The following RBFOX1 variants were observed in gnomAD, a reference collection of about 807,000 sequenced individuals.
RBFOX1 encodes the protein RNA binding fox-1 homolog 1, also known as RNA binding protein fox-1 homolog 1.
In RBFOX1, 8 loss-of-function variants were observed where a neutral mutation model predicts 57.7. That is an observed-to-expected ratio of 0.14 (90% CI 0.08 to 0.25). The LOEUF (loss-of-function observed/expected upper bound fraction) is 0.25. Ranked by LOEUF, RBFOX1 falls within the 10% of genes least tolerant of loss-of-function variation. The pLI is 1.00. For synonymous variants in RBFOX1, 326 were observed against 222.4 expected (o/e 1.47, Z -4.15); for missense variants, 611 against 548.5 (o/e 1.11, Z -1.14).
chr16:5,591,108 TTC>T (rs1035570992), intron 2 of RBFOX1, among the ~76,000 whole-genome samples: 31 of 152,322 alleles, frequency 2.0e-4, no homozygotes, highest in African/African-American at 6.5e-4. Context: ...TTAAATTATT[TTC>T]TTTTAAAAAT....
intron 1 of RBFOX1, among the ~76,000 whole-genome samples, chr16:6,215,821 T>A (rs1421986075): frequency 6.6e-6 from 1 of 152,086 alleles, no homozygotes; most frequent in Non-Finnish European, 1.5e-5. Flanking sequence ...TGCATAAACA[T>A]CCCAATGGGT....
intron 2 of RBFOX1, among the ~76,000 whole-genome samples, chr16:6,486,070 C>G (rs1025412984): frequency 3.7e-4 from 46 of 123,074 alleles, no homozygotes; most frequent in African/African-American, 1.4e-3. Context: ...TGAAGGAGAT[C>G]TCAGTAAAAG....
At chr16:5,831,622 T>C (rs997886487) in intron 3 of RBFOX1, among the ~76,000 whole-genome samples, 4 of 151,944 alleles carry the variant, frequency 2.6e-5, no homozygotes, top group African/African-American at 9.7e-5. Context: ...CCTGAGTAGC[T>C]GGGGTTACAG....
chr16:5,514,519 G>C (rs1027253337), intron 2 of RBFOX1, among the ~76,000 whole-genome samples: 2 of 152,210 alleles, frequency 1.3e-5, no homozygotes, highest in African/African-American at 4.8e-5. Flanking sequence ...GAGGAGCCAT[G>C]AGTGACAGGG....
chr16:6,143,240 A>C (rs1400732795), intron 1 of RBFOX1, among the ~76,000 whole-genome samples: 1 of 152,170 alleles, frequency 6.6e-6, no homozygotes, highest in Non-Finnish European at 1.5e-5. Context: ...GTGGAATTGC[A>C]TGTTTCTATG....
chr16:6,420,820 A>T (rs1298908152), intron 2 of RBFOX1, among the ~76,000 whole-genome samples: 1 of 152,200 alleles, frequency 6.6e-6, no homozygotes, highest in South Asian at 2.1e-4. Context: ...AAGAAGACTT[A>T]TTTGGCACTC....
intron 3 of RBFOX1, among the ~76,000 whole-genome samples, chr16:6,975,457 G>T (rs567932550): frequency 9.2e-5 from 14 of 152,112 alleles, no homozygotes; most frequent in African/African-American, 3.4e-4. Flanking sequence ...AGTGGAGATG[G>T]GGTTTCACCA....
At chr16:6,967,122 TTATC>T (rs1370155743) in intron 3 of RBFOX1, among the ~76,000 whole-genome samples, 1 of 152,152 alleles carries the variant, frequency 6.6e-6, no homozygotes, top group Non-Finnish European at 1.5e-5. Context: ...CATCCATTAC[TTATC>T]TATTTAAACA....
chr16:7,340,986 T>A (rs945064098), intron 4 of RBFOX1, among the ~76,000 whole-genome samples: 5 of 152,174 alleles, frequency 3.3e-5, no homozygotes, highest in Admixed American at 6.5e-5. Flanking sequence ...GATTTCACAC[T>A]CTCTGCTGCT....
chr16:7,676,123 C>T (rs1263123714), intron 13 of RBFOX1, among the ~76,000 whole-genome samples: 2 of 152,178 alleles, frequency 1.3e-5, no homozygotes, highest in Non-Finnish European at 2.9e-5. Context: ...ATATTTTCCA[C>T]ACCAAACAAA....
chr16:5,434,323 T>TTTTTTTTG (rs2067849089), intron 1 of RBFOX1, among the ~76,000 whole-genome samples: 1 of 137,650 alleles, frequency 7.3e-6, no homozygotes, highest in Non-Finnish European at 1.6e-5. Flanking sequence ...AGTCCTTTTT[T>TTTTTTTTG]TTTTTTTTTT....
At position 7,709,126 on chromosome 16, in the gene RBFOX1, G is replaced by A. The variant is rs2083436721; in HGVS notation, c.1066G>A (p.Ala356Thr). 8 of 1,612,494 alleles carry A rather than the reference G, an allele frequency of 5.0e-6. No individual in the cohort carries two copies. The highest frequency in any genetic ancestry group is 3.3e-5 in the Admixed American group (2 of 59,946). ...TCCAGCCCCCACCTACGGCGTTGGT[G>A]CCATGGTGAGTACAAGTTTCTCCTT... Reference protein sequence around the residue: ...LAPAPTYGVGAMNAFAPLTDA... With the variant: ...LAPAPTYGVGTMNAFAPLTDA... Residue 356 changes from alanine (A) to threonine (T), a missense_variant, in exon 15 of 16, where the codon GCC becomes ACC. Physicochemically the swap from Ala to Thr is moderately conservative, Grantham distance 58. Around this residue, in one of 3 missense-constraint regions of RBFOX1, gnomAD observed 267 missense variants for 229.1 expected, o/e 1.17. Coordinates refer to ENST00000550418, the MANE Select transcript of RBFOX1 (RefSeq NM_018723.4).
chr16:6,028,064 G>C (rs950078334), intron 1 of RBFOX1, among the ~76,000 whole-genome samples: 1 of 152,176 alleles, frequency 6.6e-6, no homozygotes, highest in Non-Finnish European at 1.5e-5. Flanking sequence ...GTATTGGCTT[G>C]GTGTCTGTTT....
chr16:5,528,545 C>CTTTTTTTTTT (rs755227280), intron 2 of RBFOX1, among the ~76,000 whole-genome samples: 1 of 115,246 alleles, frequency 8.7e-6, no homozygotes. Context: ...GACAGCTCTT[C>CTTTTTTTTTT]TTTTTTTTTT....
intron 3 of RBFOX1, among the ~76,000 whole-genome samples, chr16:5,740,489 G>A (rs1361765452): frequency 6.6e-6 from 1 of 152,156 alleles, no homozygotes; most frequent in Admixed American, 6.5e-5. Context: ...GTTTTCTGTA[G>A]CAAACTCATG....
intron 1 of RBFOX1, among the ~76,000 whole-genome samples, chr16:5,344,994 A>G (rs1470323619): frequency 6.6e-6 from 1 of 151,874 alleles, no homozygotes; most frequent in Non-Finnish European, 1.5e-5. Context: ...ATGCCTGTTC[A>G]CCTCCCTGCC....
At chr16:6,771,132 T>C (rs1226988022) in intron 3 of RBFOX1, among the ~76,000 whole-genome samples, 1 of 151,956 alleles carries the variant, frequency 6.6e-6, no homozygotes, top group African/African-American at 2.4e-5. Context: ...ACAGAGAGAA[T>C]ACCATATAAA....
chr16:5,832,874 A>G (rs1188332387), intron 3 of RBFOX1, among the ~76,000 whole-genome samples: 1 of 152,094 alleles, frequency 6.6e-6, no homozygotes, highest in Non-Finnish European at 1.5e-5. Context: ...GTTTGCTGCA[A>G]ATGATAAGGT....
rs191173806 is a variant in RBFOX1 at position 7,262,409 on chromosome 16, C to T, written c.27+210311C>T. On this transcript the variant is annotated intron_variant, in intron 4 of 15. Coordinates refer to ENST00000550418, the MANE Select transcript of RBFOX1 (RefSeq NM_018723.4). ...CTGGGTGTACCATTTCTGGAAAATA[C>T]GGCACTGAAAAATTGCAATAAGTGA... Among the ~76,000 whole-genome samples the T allele has an allele frequency of 2.3e-3, 349 of 152,100 alleles. 1 individual carries two copies. The highest frequency in any genetic ancestry group is 3.6e-3 in the Non-Finnish European group (242 of 68,024).
Sources: allele counts gnomAD v4.1 joint callset (sites outside exome capture counted in the v4.1 genomes callset), GRCh38; gene constraint gnomAD v4.1.1; regional missense constraint gnomAD v4.1.1; transcripts MANE v1.5; gene names NCBI Gene and HGNC (gene_info 2026-07-23, HGNC 2026-07-21).